Variants in ASTN2 observed in about 807,000 individuals in gnomAD.
ASTN2 encodes the protein astrotactin 2.
A neutral mutation model predicts 139.8 loss-of-function variants in ASTN2; 54 were observed. The ratio of observed to expected loss-of-function variants is 0.39; its 90% CI spans 0.31 to 0.48. The LOEUF (loss-of-function observed/expected upper bound fraction) is 0.48. ASTN2 is among the 20% of genes least tolerant of loss of function. The pLI, the probability that ASTN2 is intolerant of heterozygous loss-of-function variation, is 0.95. For missense variants in ASTN2, 1,565 were observed against 1,725.1 expected, an observed-to-expected ratio of 0.91 and a Z score of 1.64; for synonymous variants, 756 against 719.5, an observed-to-expected ratio of 1.05 and a Z score of -0.81.
At chr9:117,326,840 G>A (rs1374473428) in intron 1 of ASTN2, among the ~76,000 whole-genome samples, 4 of 152,126 alleles carry the variant, frequency 2.6e-5, no homozygotes, top group Admixed American at 6.6e-5. Flanking sequence ...TGATAAGTAA[G>A]TCCTCAAAGA....
chr9:117,161,095 T>G (rs1038900162), intron 3 of ASTN2, among the ~76,000 whole-genome samples: 6 of 152,048 alleles, frequency 3.9e-5, no homozygotes, highest in African/African-American at 7.2e-5. Context: ...TTTAATAATA[T>G]AGACTGCCAG....
At chr9:116,557,413 T>C (rs550889101) in intron 19 of ASTN2, among the ~76,000 whole-genome samples, 1 of 152,242 alleles carries the variant, frequency 6.6e-6, no homozygotes, top group South Asian at 2.1e-4. Flanking sequence ...TTCAGTATTC[T>C]TGAGTTAAAT....
intron 3 of ASTN2, among the ~76,000 whole-genome samples, chr9:117,178,002 A>T (rs1374310150): frequency 1.3e-5 from 2 of 152,050 alleles, no homozygotes; most frequent in Non-Finnish European, 2.9e-5. Context: ...TAGGTCTCCA[A>T]TCTCACCATC....
chr9:117,002,027 C>T (rs1243609498), intron 7 of ASTN2, among the ~76,000 whole-genome samples: 1 of 152,122 alleles, frequency 6.6e-6, no homozygotes, highest in African/African-American at 2.4e-5. Context: ...CTGAGTTAAG[C>T]CCCATGAAAA....
chr9:116,932,197 T>A (rs1015567320), intron 10 of ASTN2, among the ~76,000 whole-genome samples: 1 of 152,146 alleles, frequency 6.6e-6, no homozygotes, highest in South Asian at 2.1e-4. Context: ...ACCTCTTATA[T>A]GTGAAGCCCG....
rs60847503 is a variant in ASTN2, at chr9:116,646,637, C to G, written c.3072+4891G>C. 3.9e-5 allele frequency among the ~76,000 whole-genome samples: 6 copies of G among 152,162 alleles called. No homozygotes were observed. In the East Asian group the frequency reaches 1.2e-3, roughly 29 times the overall value. ...TTTGGAAATGTCTAAGGCACTCCAT[C>G]CCTTAGGCTGTCATGACACTTTAAA... is the stretch of plus-strand genomic sequence containing the variant. On this transcript the variant is annotated intron_variant, in intron 17 of 22. Transcript: ENST00000313400.
intron 3 of ASTN2, among the ~76,000 whole-genome samples, chr9:117,165,924 A>G (rs566351847): frequency 1.3e-5 from 2 of 152,268 alleles, no homozygotes; most frequent in East Asian, 3.9e-4. Flanking sequence ...TACATTAAAA[A>G]GCCGTTATCA....
At chr9:117,086,129 C>G (rs1172061503) in intron 5 of ASTN2, among the ~76,000 whole-genome samples, 1 of 152,188 alleles carries the variant, frequency 6.6e-6, no homozygotes, top group Admixed American at 6.5e-5. Flanking sequence ...TATCTCCCTT[C>G]TTGTTGAACC....
chr9:116,654,998 T>A (rs1256311860), intron 16 of ASTN2, among the ~76,000 whole-genome samples: 1 of 152,206 alleles, frequency 6.6e-6, no homozygotes, highest in East Asian at 1.9e-4. Flanking sequence ...AAGCCCACAA[T>A]CTTGGCTGAA....
intron 3 of ASTN2, among the ~76,000 whole-genome samples, chr9:117,193,639 C>CAAAAAAAAAA (rs61700943): frequency 9.4e-6 from 1 of 106,098 alleles, no homozygotes; most frequent in African/African-American, 3.7e-5. Flanking sequence ...ATTCAGTCAC[C>CAAAAAAAAAA]AAAAAAAAAA....
chr9:117,289,259 C>G (rs536442057), intron 2 of ASTN2, among the ~76,000 whole-genome samples: 18 of 152,180 alleles, frequency 1.2e-4, no homozygotes, highest in Admixed American at 8.5e-4. Flanking sequence ...AGCCTTGGGT[C>G]ACTTTGGCTC....
intron 1 of ASTN2, among the ~76,000 whole-genome samples, chr9:117,360,379 G>A (rs764467593): frequency 3.9e-5 from 6 of 152,104 alleles, no homozygotes; most frequent in East Asian, 1.9e-4. Context: ...GTGTCTAACC[G>A]AGCTGGTAGT....
chr9:117,019,447 C>T lies in ASTN2; in HGVS notation c.1424-11188G>A, dbSNP rs145085688. 4.1e-3 allele frequency among the ~76,000 whole-genome samples: 617 copies of T among 152,186 alleles called. 4 individuals carry two copies. Among genetic ancestry groups the T allele is most frequent in the South Asian group, 8.5e-3 (41 of 4,822 alleles). ...CACTGCCAGGCACGGATGAGAACAG[C>T]TGCCTAAATATACAATATTAATACC... On this transcript the variant is annotated intron_variant, in intron 6 of 22. Coordinates refer to ENST00000313400, the MANE Select transcript of ASTN2 (RefSeq NM_001365068.1).
At chr9:116,677,604 C>A (rs1387580383) in intron 16 of ASTN2, among the ~76,000 whole-genome samples, 1 of 152,140 alleles carries the variant, frequency 6.6e-6, no homozygotes, top group Non-Finnish European at 1.5e-5. Context: ...CACCCCCACC[C>A]CCCACTGGAA....
chr9:117,163,294 C>G (rs911000201), intron 3 of ASTN2, among the ~76,000 whole-genome samples: 1 of 152,044 alleles, frequency 6.6e-6, no homozygotes, highest in South Asian at 2.1e-4. Flanking sequence ...TGAATTGAGA[C>G]TGTATTTTGT....
chr9:116,567,791 T>C (rs1853310153), intron 19 of ASTN2, among the ~76,000 whole-genome samples: 1 of 152,162 alleles, frequency 6.6e-6, no homozygotes, highest in Non-Finnish European at 1.5e-5. Flanking sequence ...TGCTAGTTAT[T>C]GAAACTGTAC....
chr9:117,330,634 A>G lies in ASTN2; in HGVS notation c.443-39121T>C, dbSNP rs187053903. On this transcript the variant is annotated intron_variant, in intron 1 of 22. Coordinates refer to ENST00000313400, the MANE Select transcript of ASTN2 (RefSeq NM_001365068.1). ...TACCCCTTCCTCTGTGTCATTCTAC[A>G]TGAACACATGTGGAGAGAGAGAATG... Among the ~76,000 whole-genome samples, 353 of 152,236 alleles carry G rather than the reference A, an allele frequency of 2.3e-3. 6 individuals carry two copies. The highest frequency in any genetic ancestry group is 4.6e-3 in the South Asian group (22 of 4,814).
chr9:117,365,918 C>A (rs1406923250), intron 1 of ASTN2, among the ~76,000 whole-genome samples: 1 of 152,176 alleles, frequency 6.6e-6, no homozygotes, highest in African/African-American at 2.4e-5. Flanking sequence ...TCCTTCCCAG[C>A]TCTTTCCAAG....
intron 16 of ASTN2, among the ~76,000 whole-genome samples, chr9:116,653,857 T>A (rs1858058960): frequency 6.6e-6 from 1 of 152,168 alleles, no homozygotes; most frequent in Admixed American, 6.5e-5. Context: ...GAGCATCAGA[T>A]CAAAGGCTCT....
Sources: gnomAD v4.1 joint callset for allele counts (sites outside exome capture counted in the v4.1 genomes callset) on GRCh38, gnomAD v4.1.1 for gene constraint, MANE v1.5 for transcripts, NCBI Gene and HGNC (gene_info 2026-07-23, HGNC 2026-07-21) for gene names.